The following ZC3H12B variants were observed in gnomAD, a reference collection of about 807,000 sequenced individuals.
The protein encoded by ZC3H12B is probable ribonuclease ZC3H12B.
Under a neutral mutation model 43.9 loss-of-function variants are expected in ZC3H12B, and 7 were observed. The observed-to-expected ratio is 0.16, with a 90% CI of 0.09 to 0.30. The LOEUF is 0.30. Ranked by LOEUF, ZC3H12B falls within the 10% of genes least tolerant of loss-of-function variation. ZC3H12B has a pLI of 1.00. For missense variants in ZC3H12B, 475 were observed against 670.2 expected (o/e 0.71, Z 3.22); for synonymous variants, 222 against 241.7 (o/e 0.92, Z 0.76).
the ZC3H12B span, among the ~76,000 whole-genome samples, chrX:65,082,945 G>A: frequency 9.0e-6 from 1 of 110,794 alleles, no homozygotes; most frequent in Non-Finnish European, 1.9e-5. Context: ...TTCAAGAATA[G>A]TTCAAAATAC....
chrX:65,136,499 T>G, the ZC3H12B span, among the ~76,000 whole-genome samples: 1 of 111,432 alleles, frequency 9.0e-6, no homozygotes, highest in Non-Finnish European at 1.9e-5. Context: ...CCCCTTTCAA[T>G]TTTTGCTTGC....
chrX:65,472,825 GATATATATATATATATATATATAT>G (rs58372328), intron 3 of ZC3H12B, among the ~76,000 whole-genome samples: 3 of 31,583 alleles, frequency 9.5e-5, no homozygotes, highest in East Asian at 9.9e-4. Context: ...CCATACCTTT[GATATATATATATATATATATATAT>G]ATATATATAT....
the ZC3H12B span, among the ~76,000 whole-genome samples, chrX:65,297,532 T>C: frequency 8.9e-6 from 1 of 111,926 alleles, no homozygotes; most frequent in Non-Finnish European, 1.9e-5. Context: ...CCCATGCTGA[T>C]GGATGGCTAG....
chrX:65,377,243 A>C (rs1335539230), intron 2 of ZC3H12B, among the ~76,000 whole-genome samples: 1 of 109,886 alleles, frequency 9.1e-6, no homozygotes, highest in African/African-American at 3.3e-5. Context: ...AGAATAAAAA[A>C]CAATGAAGCA....
At chrX:65,119,522 G>C in the ZC3H12B span, among the ~76,000 whole-genome samples, 1 of 111,608 alleles carries the variant, frequency 9.0e-6, no homozygotes, top group Non-Finnish European at 1.9e-5. Context: ...ATTTGTTTGA[G>C]TTCATTGTAG....
At chrX:65,503,053 G>A (rs753362658) in exon 5 of ZC3H12B, 2 of 1,211,302 alleles carry the variant, frequency 1.7e-6, no homozygotes, top group Non-Finnish European at 1.1e-6. Context: ...ATTCCAGGGA[G>A]CATATGATCC....
intron 3 of ZC3H12B, among the ~76,000 whole-genome samples, chrX:65,406,931 C>G (rs1216190819): frequency 1.8e-5 from 2 of 112,426 alleles, no homozygotes; most frequent in Non-Finnish European, 3.8e-5. Flanking sequence ...AGAGTTTGCC[C>G]GCCGGGGAGG....
chrX:65,367,250 T>C (rs2066185492), intron 1 of ZC3H12B, among the ~76,000 whole-genome samples: 2 of 111,884 alleles, frequency 1.8e-5, no homozygotes, highest in Non-Finnish European at 3.8e-5. Context: ...ACTGACTCTT[T>C]CATCATGATA....
chrX:65,290,991 G>A, the ZC3H12B span, among the ~76,000 whole-genome samples: 1 of 111,431 alleles, frequency 9.0e-6, no homozygotes, highest in African/African-American at 3.2e-5. Context: ...TGATGGACAT[G>A]CTAAATACCG....
chrX:65,389,078 G>T (rs772521993), intron 2 of ZC3H12B, among the ~76,000 whole-genome samples: 38 of 112,294 alleles, frequency 3.4e-4, no homozygotes, highest in African/African-American at 1.1e-3. Flanking sequence ...AGGCTACTTG[G>T]GGTTCAGGGA....
intron 3 of ZC3H12B, among the ~76,000 whole-genome samples, chrX:65,450,876 TAC>T (rs771622153): frequency 2.7e-4 from 20 of 74,437 alleles, no homozygotes; most frequent in Non-Finnish European, 3.7e-4. Flanking sequence ...TGTATATATA[TAC>T]ATATGTGTAT....
At chrX:65,167,378 C>G in the ZC3H12B span, among the ~76,000 whole-genome samples, 2 of 111,093 alleles carry the variant, frequency 1.8e-5, no homozygotes, top group African/African-American at 6.6e-5. Flanking sequence ...TTTCTGAGGG[C>G]TCTGTTCTGT....
At chrX:65,286,817 A>G in the ZC3H12B span, among the ~76,000 whole-genome samples, 1 of 110,704 alleles carries the variant, frequency 9.0e-6, no homozygotes, top group Non-Finnish European at 1.9e-5. Context: ...ACACATGTAT[A>G]CACATGTGAA....
the ZC3H12B span, among the ~76,000 whole-genome samples, chrX:65,233,043 A>T: frequency 9.8e-5 from 11 of 112,338 alleles, no homozygotes; most frequent in African/African-American, 3.2e-4. Context: ...GCAAGAAGAT[A>T]TAACAATTGT....
the ZC3H12B span, among the ~76,000 whole-genome samples, chrX:65,237,843 CT>C: frequency 9.0e-6 from 1 of 111,296 alleles, no homozygotes; most frequent in Non-Finnish European, 1.9e-5. Flanking sequence ...GGTTTTATTT[CT>C]GTTTATGTGA....
intron 2 of ZC3H12B, among the ~76,000 whole-genome samples, chrX:65,380,626 A>C (rs2066422981): frequency 8.9e-6 from 1 of 111,824 alleles, no homozygotes; most frequent in Non-Finnish European, 1.9e-5. Flanking sequence ...TTAAATGTAA[A>C]TGGACTAAAT....
chrX:65,181,044 C>A, the ZC3H12B span, among the ~76,000 whole-genome samples: 1 of 111,105 alleles, frequency 9.0e-6, no homozygotes, highest in Non-Finnish European at 1.9e-5. Flanking sequence ...GGTACTGGTA[C>A]CAAAACAGAC....
chrX:65,445,535 G>T (rs1485020134), intron 3 of ZC3H12B, among the ~76,000 whole-genome samples: 1 of 112,399 alleles, frequency 8.9e-6, no homozygotes, highest in Non-Finnish European at 1.9e-5. Flanking sequence ...GCTCCCTGGA[G>T]TTAGAAGTGG....
intron 3 of ZC3H12B, among the ~76,000 whole-genome samples, chrX:65,409,359 G>T (rs1324248917): frequency 9.0e-6 from 1 of 111,365 alleles, no homozygotes; most frequent in Non-Finnish European, 1.9e-5. Flanking sequence ...GGGAAAACCT[G>T]AAAGCCTTTT....
Sources: allele counts gnomAD v4.1 joint callset (sites outside exome capture counted in the v4.1 genomes callset), GRCh38; gene constraint gnomAD v4.1.1; transcripts MANE v1.5; gene names NCBI Gene and HGNC (gene_info 2026-07-23, HGNC 2026-07-21).